Variants in EDN1 observed in about 807,000 individuals in gnomAD.
The protein encoded by EDN1 is endothelin 1.
A neutral mutation model predicts 21.7 loss-of-function variants in EDN1; 11 were observed. The observed-to-expected ratio is 0.51, with a 90% CI of 0.32 to 0.84. The LOEUF is 0.84. Ranked by LOEUF, EDN1 falls within the 40% of genes least tolerant of loss-of-function variation. EDN1 has a pLI of 0.03. For synonymous variants in EDN1, 85 were observed against 90.6 expected (o/e 0.94, Z 0.35); for missense variants, 244 against 262.3 (o/e 0.93, Z 0.48).
At chr6:12,252,760 T>C in the EDN1 span, among the ~76,000 whole-genome samples, 2 of 152,182 alleles carry the variant, frequency 1.3e-5, no homozygotes, top group Non-Finnish European at 2.9e-5. Flanking sequence ...ATTCATGCAG[T>C]GTTCACTCCC....
chr6:12,246,286 C>T, the EDN1 span, among the ~76,000 whole-genome samples: 2 of 152,116 alleles, frequency 1.3e-5, no homozygotes, highest in African/African-American at 2.4e-5. Context: ...TTCCACAGCC[C>T]GCCTCTTAGG....
chr6:12,290,266 AAT>A (rs1484221558), upstream of EDN1: 4 of 301,226 alleles, frequency 1.3e-5, no homozygotes, highest in Non-Finnish European at 1.9e-5. Context: ...CTAATAACAC[AAT>A]AACATTGTCT....
intron 1 of EDN1, among the ~76,000 whole-genome samples, 178 bp downstream of exon 1, chr6:12,290,871 T>C (rs1762661930): frequency 6.6e-6 from 1 of 151,456 alleles, no homozygotes; most frequent in Non-Finnish European, 1.5e-5. Context: ...AAATGTAAAA[T>C]TCCTCTATTG....
the EDN1 span, among the ~76,000 whole-genome samples, chr6:12,237,585 C>A: frequency 6.6e-6 from 1 of 152,120 alleles, no homozygotes; most frequent in African/African-American, 2.4e-5. Context: ...GAGAGTGGAA[C>A]TCCTAGTGTC....
rs879758253 is a variant in EDN1 at position 12,291,222 on chromosome 6, C to T, written c.64+529C>T. Among the ~76,000 whole-genome samples, 251 of 98,830 alleles carry T rather than the reference C, an allele frequency of 2.5e-3. 3 individuals are homozygous for T. The highest frequency in any genetic ancestry group is 4.6e-3 in the Non-Finnish European group (188 of 41,192). The allele number at this position is 98,830 out of a possible 152,430, so 64.8% of individuals were successfully genotyped here. On this transcript the variant is annotated intron_variant, in intron 1 of 4. Transcript: ENST00000379375. ...TCTGTTGACTAACTACCGCCTCCCCCCCCCCCCGCCACCACCCCCCGCAGG... is the reference window on the plus strand; with the variant it reads ...TCTGTTGACTAACTACCGCCTCCCCTCCCCCCCGCCACCACCCCCCGCAGG...
upstream of EDN1, among the ~76,000 whole-genome samples, chr6:12,286,707 T>C (rs1762563378): frequency 6.6e-6 from 1 of 152,312 alleles, no homozygotes; most frequent in Admixed American, 6.5e-5. Context: ...GTAGTATCTG[T>C]ATTGGGGGCT....
the EDN1 span, among the ~76,000 whole-genome samples, chr6:12,267,841 C>T: frequency 6.6e-6 from 1 of 152,294 alleles, no homozygotes; most frequent in Non-Finnish European, 1.5e-5. Flanking sequence ...GACAGGTTGA[C>T]ACTCTTGTCA....
At chr6:12,243,537 G>GGTTA in the EDN1 span, among the ~76,000 whole-genome samples, 1 of 152,168 alleles carries the variant, frequency 6.6e-6, no homozygotes, top group Admixed American at 6.5e-5. Context: ...TTCCAAGCAT[G>GGTTA]GTTAACAAGT....
the EDN1 span, among the ~76,000 whole-genome samples, chr6:12,243,996 A>C: frequency 1.3e-5 from 2 of 152,174 alleles, no homozygotes; most frequent in African/African-American, 4.8e-5. Context: ...ACTATAAGTT[A>C]AGACTTGTAG....
the EDN1 span, among the ~76,000 whole-genome samples, chr6:12,268,455 C>T: frequency 2.6e-5 from 4 of 152,250 alleles, 1 homozygote; most frequent in Middle Eastern, 0.01. Flanking sequence ...TTAGGTCTTA[C>T]ATTTAAGTAT....
upstream of EDN1, among the ~76,000 whole-genome samples, chr6:12,285,647 C>A (rs866596326): frequency 6.6e-6 from 1 of 152,156 alleles, no homozygotes; most frequent in Non-Finnish European, 1.5e-5. Flanking sequence ...TCTCGGCTCA[C>A]CACAACCTCT....
chr6:12,240,239 A>G, the EDN1 span, among the ~76,000 whole-genome samples: 1 of 152,174 alleles, frequency 6.6e-6, no homozygotes, highest in Admixed American at 6.5e-5. Flanking sequence ...AGGCTTTAAG[A>G]AAGGCGCGCA....
chr6:12,237,716 C>T, the EDN1 span, among the ~76,000 whole-genome samples: 8 of 152,170 alleles, frequency 5.3e-5, no homozygotes, highest in East Asian at 3.9e-4. Flanking sequence ...CTATGGGATC[C>T]GAGCTCCAGT....
rs1032013033 is a variant in EDN1, at chr6:12,290,472, C to G, written c.-158C>G. 6.2e-6 allele frequency: 4 copies of G among 649,772 alleles called. No homozygotes were observed. The African/African-American group carries it at 8.4e-5, about 14-fold the overall frequency. 40.3% of individuals were successfully genotyped at this position (649,772 alleles called of 1,614,324 possible). A position where few individuals can be genotyped will look rare whatever the true frequency, so the allele number is the denominator to read the frequency against. On this transcript the variant is annotated 5_prime_UTR_variant, in exon 1 of 5. Transcript: ENST00000379375. ...CTCCGCTCGCTGCCTTCTCTCCTGG[C>G]AGGCGCTGCCTTTTCTCCCCGTTAA...
chr6:12,233,690 T>C, the EDN1 span, among the ~76,000 whole-genome samples: 1 of 151,908 alleles, frequency 6.6e-6, no homozygotes, highest in Non-Finnish European at 1.5e-5. Flanking sequence ...ATGTTGAAAA[T>C]AAAAAGGGGT....
chr6:12,237,886 C>T, the EDN1 span, among the ~76,000 whole-genome samples: 107 of 152,138 alleles, frequency 7.0e-4, no homozygotes, highest in Non-Finnish European at 1.2e-3. Flanking sequence ...AAAAGGAAAA[C>T]CCAGCGGGCG....
upstream of EDN1, among the ~76,000 whole-genome samples, chr6:12,285,621 G>A (rs149980639): frequency 1.0e-3 from 156 of 152,242 alleles, 1 homozygote; most frequent in East Asian, 0.028. Context: ...GCCCAGGCTG[G>A]AGTGCAGTGG....
the EDN1 span, among the ~76,000 whole-genome samples, chr6:12,265,423 T>C: frequency 2.0e-5 from 3 of 152,168 alleles, no homozygotes; most frequent in South Asian, 2.1e-4. Flanking sequence ...GTTATCAGGG[T>C]GTGGTCTAAC....
chr6:12,266,627 T>C, the EDN1 span, among the ~76,000 whole-genome samples: 337 of 152,264 alleles, frequency 2.2e-3, 1 homozygote, highest in African/African-American at 7.6e-3. Context: ...ACCTCTTGCC[T>C]GGTGCTAAGG....
Sources: allele counts gnomAD v4.1 joint callset (sites outside exome capture counted in the v4.1 genomes callset), GRCh38; gene constraint gnomAD v4.1.1; transcripts MANE v1.5; gene names NCBI Gene and HGNC (gene_info 2026-07-23, HGNC 2026-07-21).